The following CMIP variants were observed in gnomAD, a reference collection of about 807,000 sequenced individuals.
The protein encoded by CMIP is c-Maf inducing protein.
In CMIP, 13 loss-of-function variants were observed where a neutral mutation model predicts 97.3. The ratio of observed to expected loss-of-function variants is 0.13; its 90% CI spans 0.09 to 0.21. The LOEUF (loss-of-function observed/expected upper bound fraction) is 0.21. Among genes scored for constraint, CMIP ranks in the 10% least tolerant of loss-of-function variants. The pLI is 1.00. For missense variants in CMIP, 847 were observed against 1,024.9 expected (o/e 0.83, Z 2.37); for synonymous variants, 538 against 436.3 (o/e 1.23, Z -2.91).
chr16:81,504,691 TG>T, intron 1 of CMIP, among the ~76,000 whole-genome samples: 1 of 116,580 alleles, frequency 8.6e-6, no homozygotes, highest in Admixed American at 8.6e-5. Flanking sequence ...AAATGGCCGG[TG>T]GGCCTGCAGC....
chr16:81,573,649 G>A (rs2150893034), intron 1 of CMIP, among the ~76,000 whole-genome samples: 1 of 152,288 alleles, frequency 6.6e-6, no homozygotes, highest in Admixed American at 6.5e-5. Flanking sequence ...GGGGGAGGGG[G>A]AGGTCTAGCC....
intron 16 of CMIP, 28 bp from the exon 17 acceptor site, chr16:81,702,594 G>A (rs1363206171): frequency 1.9e-6 from 3 of 1,609,572 alleles, no homozygotes; most frequent in East Asian, 4.5e-5. Flanking sequence ...GAAAAGAATG[G>A]TTGTAACCAG....
intron 10 of CMIP, among the ~76,000 whole-genome samples, chr16:81,683,617 T>C (rs2317495): frequency 6.6e-6 from 1 of 152,094 alleles, no homozygotes; most frequent in South Asian, 2.1e-4. Context: ...CTCGAACTCC[T>C]GACCTCAAGT....
In CMIP at chr16:81,557,349, G is replaced by C. The variant is rs142513955; in HGVS notation, c.301-50218G>C. Among the ~76,000 whole-genome samples, 800 of 120,352 alleles carry C rather than the reference G, an allele frequency of 6.6e-3. 10 individuals are homozygous for C. The highest frequency in any genetic ancestry group is 0.027 in the African/African-American group (734 of 27,386). 79.0% of individuals were successfully genotyped at this position (120,352 alleles called of 152,430 possible). ...TTTACTGATGTTGGTTGAATTTACTGATGTTGGTTGAATTCACTCATGTTG... is the reference window on the plus strand; with the variant it reads ...TTTACTGATGTTGGTTGAATTTACTCATGTTGGTTGAATTCACTCATGTTG... On this transcript the variant is annotated intron_variant, in intron 1 of 20. Coordinates refer to ENST00000537098, the MANE Select transcript of CMIP (RefSeq NM_198390.3).
chr16:81,469,835 G>A (rs1255003966), intron 1 of CMIP, among the ~76,000 whole-genome samples: 1 of 152,192 alleles, frequency 6.6e-6, no homozygotes, highest in Non-Finnish European at 1.5e-5. Context: ...GAGCCACCAG[G>A]CCAGTTCTGT....
chr16:81,592,416 C>T (rs2150920885), intron 1 of CMIP, among the ~76,000 whole-genome samples: 1 of 152,316 alleles, frequency 6.6e-6, no homozygotes, highest in African/African-American at 2.4e-5. Context: ...CCCTCCTTAC[C>T]TTGACAGCCG....
intron 10 of CMIP, among the ~76,000 whole-genome samples, chr16:81,678,980 A>C (rs995107172): frequency 7.9e-5 from 12 of 152,256 alleles, no homozygotes; most frequent in African/African-American, 2.7e-4. Context: ...CCAAGCATAC[A>C]TGTGTACATA....
intron 1 of CMIP, among the ~76,000 whole-genome samples, chr16:81,568,633 G>A (rs983201207): frequency 3.4e-4 from 51 of 152,192 alleles, no homozygotes; most frequent in Non-Finnish European, 5.0e-4. Context: ...TTTGTTTCTC[G>A]CTTTCAACCC....
At chr16:81,500,301 T>TCCTTCCTCCCTCCCTC (rs1200431349) in intron 1 of CMIP, among the ~76,000 whole-genome samples, 1 of 133,404 alleles carries the variant, frequency 7.5e-6, no homozygotes, top group Non-Finnish European at 1.6e-5. Context: ...CTTCCTTCCT[T>TCCTTCCTCCCTCCCTC]CCTGCCTCCC....
intron 5 of CMIP, among the ~76,000 whole-genome samples, chr16:81,658,034 G>A (rs1346821531): frequency 1.3e-5 from 2 of 151,806 alleles, no homozygotes; most frequent in Non-Finnish European, 2.9e-5. Flanking sequence ...CTGTCTTTGA[G>A]GTTTGTAGCA....
chr16:81,634,399 T>C (rs111971491), intron 3 of CMIP, among the ~76,000 whole-genome samples: 27 of 152,356 alleles, frequency 1.8e-4, no homozygotes, highest in African/African-American at 6.3e-4. Context: ...GCTGCCTCCT[T>C]CTGTAACCAT....
At chr16:81,497,010 A>T (rs149465965) in intron 1 of CMIP, among the ~76,000 whole-genome samples, 1,843 of 152,320 alleles carry the variant, frequency 0.012, 28 homozygotes, top group African/African-American at 0.042. Flanking sequence ...AGATGCCCTG[A>T]TGCTGGGCCT....
chr16:81,675,776 A>G (rs1055853544), intron 9 of CMIP, among the ~76,000 whole-genome samples: 1 of 152,206 alleles, frequency 6.6e-6, no homozygotes, highest in Non-Finnish European at 1.5e-5. Context: ...GTGCTGGGCC[A>G]TGAATAGCCA....
At chr16:81,521,909 A>G (rs2090035979) in intron 1 of CMIP, among the ~76,000 whole-genome samples, 1 of 152,236 alleles carries the variant, frequency 6.6e-6, no homozygotes, top group Admixed American at 6.5e-5. Flanking sequence ...AATTTCTCCA[A>G]GAAAGGCCAG....
chr16:81,542,108 C>T (rs1273139892), intron 1 of CMIP, among the ~76,000 whole-genome samples: 5 of 152,136 alleles, frequency 3.3e-5, no homozygotes, highest in African/African-American at 7.2e-5. Context: ...CTCTTAAACA[C>T]AGCCCAGGAA....
chr16:81,595,516 G>A (rs1351043234), intron 1 of CMIP, among the ~76,000 whole-genome samples: 1 of 151,706 alleles, frequency 6.6e-6, no homozygotes, highest in African/African-American at 2.4e-5. Context: ...AGCCTCTTGA[G>A]TAGCTGGGAC....
intron 14 of CMIP, 86 bp downstream of exon 14, chr16:81,696,753 C>G: frequency 7.9e-7 from 1 of 1,272,324 alleles, no homozygotes; most frequent in South Asian, 1.4e-5. Context: ...CCCCCATCCC[C>G]TGGGGCCAGC....
In CMIP at chr16:81,652,525, G is replaced by T. The variant is rs1485488233; in HGVS notation, c.639+161G>T. Among the ~76,000 whole-genome samples the T allele has an allele frequency of 6.6e-6, 1 of 152,196 alleles. No individual in the cohort carries two copies. The highest frequency in any genetic ancestry group is 1.5e-5 in the Non-Finnish European group (1 of 68,032). The stretch of plus-strand genomic sequence containing the variant: ...GTTGCCCACCCAGCCGTGTGTGGGA[G>T]TTGGGAGAGGGAGGCTTGCCCCAGC... On this transcript the variant is annotated intron_variant, in intron 4 of 20. Coordinates refer to ENST00000537098, the MANE Select transcript of CMIP (RefSeq NM_198390.3). The surrounding 1 kb of genome is among the most constrained non-coding windows in gnomAD (Gnocchi z 5.2).
At chr16:81,695,917 GGA>G (rs35257343) in intron 13 of CMIP, 68 of 150,262 alleles carry the variant, frequency 4.5e-4, no homozygotes, top group Admixed American at 9.2e-4. Context: ...CCAAAGAGGG[GGA>G]GAGAGAGAGA....
Sources: gnomAD v4.1 joint callset for allele counts (sites outside exome capture counted in the v4.1 genomes callset) on GRCh38, gnomAD v4.1.1 for gene constraint, Gnocchi (gnomAD v3.1) non-coding constraint, MANE v1.5 for transcripts, NCBI Gene and HGNC (gene_info 2026-07-23, HGNC 2026-07-21) for gene names.